The following FSTL5 variants were observed in gnomAD, a reference collection of about 807,000 sequenced individuals.
FSTL5 encodes follistatin-related protein 5.
Under a neutral mutation model 89.1 loss-of-function variants are expected in FSTL5, and 62 were observed. The observed-to-expected ratio is 0.70, with a 90% confidence interval of 0.57 to 0.86. The LOEUF is 0.86. FSTL5 is among the 40% of genes least tolerant of loss of function. FSTL5 has a pLI of 0.00. For missense variants in FSTL5, 1,057 were observed against 1,001.6 expected (o/e 1.06, Z -0.75); for synonymous variants, 383 against 346.2 (o/e 1.11, Z -1.18).
In FSTL5 at chr4:161,395,372, A is replaced by G. The variant is rs529418940; in HGVS notation, c.1842-8923T>C. Among the ~76,000 whole-genome samples, 6 of 152,202 alleles carry G rather than the reference A, an allele frequency of 3.9e-5. No individual in the cohort carries two copies. In the South Asian group the frequency reaches 1.0e-3, roughly 26 times the overall value. On this transcript the variant is annotated intron_variant, in intron 15 of 15. Coordinates refer to ENST00000306100, the MANE Select transcript of FSTL5 (RefSeq NM_020116.5). ...AAGAGAGAGAATTGGAAAAATGACT[A>G]TTAGCAACTAAAAAGGTAAAATATC...
chr4:161,608,133 C>T (rs2126632302), intron 7 of FSTL5, among the ~76,000 whole-genome samples: 1 of 152,102 alleles, frequency 6.6e-6, no homozygotes, highest in East Asian at 1.9e-4. Flanking sequence ...CACTCTACCT[C>T]ACAAGTAGAT....
intron 11 of FSTL5, among the ~76,000 whole-genome samples, chr4:161,504,673 T>A (rs1289603715): frequency 6.6e-6 from 1 of 151,950 alleles, no homozygotes; most frequent in Non-Finnish European, 1.5e-5. Flanking sequence ...CCTGCAGTCT[T>A]ACAAGACAGA....
At chr4:161,483,886 A>G (rs1286660339) in intron 12 of FSTL5, among the ~76,000 whole-genome samples, 1 of 152,166 alleles carries the variant, frequency 6.6e-6, no homozygotes, top group Non-Finnish European at 1.5e-5. Context: ...AGTGAACAGA[A>G]TAAATAAGAT....
intron 8 of FSTL5, chr4:161,552,406 A>C (rs955135253): frequency 3.3e-5 from 5 of 151,830 alleles, no homozygotes; most frequent in Admixed American, 3.3e-4. Flanking sequence ...GTTTGGAAGG[A>C]AGCACATCAA....
intron 4 of FSTL5, among the ~76,000 whole-genome samples, chr4:161,874,930 T>C (rs1298795533): frequency 6.6e-6 from 1 of 152,170 alleles, no homozygotes; most frequent in African/African-American, 2.4e-5. Context: ...TATGTATACA[T>C]ACATATATAC....
intron 8 of FSTL5, among the ~76,000 whole-genome samples, chr4:161,549,255 A>G (rs1732115737): frequency 6.6e-6 from 1 of 151,716 alleles, no homozygotes; most frequent in Admixed American, 6.6e-5. Context: ...TTGTTTTCTT[A>G]TATGTAAAAT....
chr4:161,387,480 C>A (rs1309361746), intron 15 of FSTL5: 1 of 151,908 alleles, frequency 6.6e-6, no homozygotes, highest in Non-Finnish European at 1.5e-5. Context: ...ATTATGTTAT[C>A]ATCACCTGTG....
intron 10 of FSTL5, among the ~76,000 whole-genome samples, chr4:161,511,658 A>G (rs775668795): frequency 2.6e-5 from 4 of 152,128 alleles, no homozygotes; most frequent in Non-Finnish European, 5.9e-5. Context: ...AACATATTCA[A>G]TCTTTGTCAA....
intron 2 of FSTL5, among the ~76,000 whole-genome samples, chr4:162,068,884 G>T (rs1049304654): frequency 6.6e-6 from 1 of 151,966 alleles, no homozygotes; most frequent in Admixed American, 6.6e-5. Context: ...GTGGGCAAAA[G>T]CCATGAACAC....
intron 13 of FSTL5, among the ~76,000 whole-genome samples, chr4:161,463,030 G>A (rs977006916): frequency 2.6e-5 from 4 of 151,964 alleles, no homozygotes; most frequent in African/African-American, 9.7e-5. Context: ...CTTAAAGAAC[G>A]AATATTTTTA....
chr4:161,428,617 T>C (rs903348522), intron 15 of FSTL5, among the ~76,000 whole-genome samples: 1 of 152,134 alleles, frequency 6.6e-6, no homozygotes, highest in African/African-American at 2.4e-5. Context: ...AGACACACCC[T>C]GGGCCAGAAG....
At chr4:161,495,132 T>C (rs560935353) in intron 12 of FSTL5, 1 of 152,200 alleles carries the variant, frequency 6.6e-6, no homozygotes, top group Non-Finnish European at 1.5e-5. Context: ...ATAAGACATA[T>C]GCATAATAAG....
At chr4:161,792,846 C>A (rs867706865) in intron 4 of FSTL5, among the ~76,000 whole-genome samples, 1 of 152,240 alleles carries the variant, frequency 6.6e-6, no homozygotes, top group Middle Eastern at 3.4e-3. Context: ...TTGGGACCCA[C>A]CAAATGGAGG....
chr4:161,816,047 A>G lies in FSTL5; in HGVS notation c.410-39973T>C, dbSNP rs1362291548. Among the ~76,000 whole-genome samples the G allele has an allele frequency of 3.3e-5, 5 of 152,228 alleles. No individual in the cohort carries two copies. The East Asian group carries it at 9.6e-4, about 29-fold the overall frequency. On this transcript the variant is annotated intron_variant, in intron 4 of 15. Transcript: ENST00000306100. ...CACAGAACATTAGAAAATTGGCATC[A>G]GTCCTGTGGGCTAGAGTAATGTGAA...
intron 7 of FSTL5, among the ~76,000 whole-genome samples, chr4:161,638,011 G>GTAGCT (rs1357647845): frequency 3.9e-5 from 6 of 152,020 alleles, no homozygotes; most frequent in African/African-American, 1.5e-4. Flanking sequence ...AAAATCACTG[G>GTAGCT]TAGCTTTATG....
intron 6 of FSTL5, among the ~76,000 whole-genome samples, chr4:161,727,568 T>C (rs902299785): frequency 6.6e-6 from 1 of 152,198 alleles, no homozygotes; most frequent in Admixed American, 6.5e-5. Context: ...AAGAGGCTTC[T>C]CTAAGTTTTC....
At chr4:161,786,073 T>A (rs149771732) in intron 4 of FSTL5, among the ~76,000 whole-genome samples, 281 of 152,208 alleles carry the variant, frequency 1.8e-3, no homozygotes, top group Middle Eastern at 3.4e-3. Flanking sequence ...CATTTATGAA[T>A]GTTTATTGAC....
Position 162,130,385 on chromosome 4 carries a change from T to C in FSTL5, c.-16-18973A>G, listed in dbSNP as rs189392938. On this transcript the variant is annotated intron_variant, in intron 1 of 15. Transcript: ENST00000306100. ...AACAAGCTCAATCAAACAAGAATGT[T>C]GTGTTTCCTACGCAAGTGATTAGAA... 3.8e-3 allele frequency among the ~76,000 whole-genome samples: 471 copies of C among 124,782 alleles called. 1 individual carries two copies. Among genetic ancestry groups the C allele is most frequent in the Non-Finnish European group, 4.9e-3 (300 of 61,794 alleles). 81.9% of individuals were successfully genotyped at this position (124,782 alleles called of 152,430 possible). A position where few individuals can be genotyped will look rare whatever the true frequency, so the allele number is the denominator to read the frequency against.
At chr4:161,394,165 GT>G (rs1307944273) in intron 15 of FSTL5, among the ~76,000 whole-genome samples, 1 of 152,068 alleles carries the variant, frequency 6.6e-6, no homozygotes, top group Non-Finnish European at 1.5e-5. Flanking sequence ...AACATAAATT[GT>G]TTTAACTTTT....
Sources: allele counts gnomAD v4.1 joint callset (sites outside exome capture counted in the v4.1 genomes callset), GRCh38; gene constraint gnomAD v4.1.1; transcripts MANE v1.5; gene names NCBI Gene and HGNC (gene_info 2026-07-23, HGNC 2026-07-21).